Variants in ABCC5 observed in about 807,000 individuals in gnomAD.
ABCC5 encodes the protein ATP binding cassette subfamily C member 5.
In ABCC5, 61 loss-of-function variants were observed where a neutral mutation model predicts 160.9. The observed-to-expected ratio is 0.38, with a 90% CI of 0.31 to 0.47. ABCC5 has a LOEUF of 0.47. ABCC5 is among the 20% of genes least tolerant of loss of function. The pLI, the probability that ABCC5 is intolerant of heterozygous loss-of-function variation, is 0.99. For missense variants in ABCC5, 1,308 were observed against 1,813.3 expected, an observed-to-expected ratio of 0.72 and a Z score of 5.06; for synonymous variants, 666 against 700.6, an observed-to-expected ratio of 0.95 and a Z score of 0.78.
chr3:183,923,537 C>T (rs1387642199), intron 29 of ABCC5, among the ~76,000 whole-genome samples: 1 of 152,266 alleles, frequency 6.6e-6, no homozygotes, highest in South Asian at 2.1e-4. Flanking sequence ...GCAGGAGAAT[C>T]GCTTGAACCC....
intron 24 of ABCC5, 83 bp downstream of exon 24, chr3:183,945,767 C>T: frequency 9.2e-7 from 1 of 1,088,010 alleles, no homozygotes; most frequent in Non-Finnish European, 1.4e-6. Context: ...AAGCCTCCTC[C>T]TTGTACACCC....
chr3:183,987,360 A>T lies in ABCC5; in HGVS notation c.591+410T>A. On this transcript the variant is annotated intron_variant, in intron 5 of 29. Transcript: ENST00000334444. This position sits in a 1 kb window ranked among gnomAD's most constrained non-coding sequence, Gnocchi z 4.2. ...CTTATTTGCCACAGACCTGCCAAAC[A>T]TGTGATAACTGCCTCCAGGCACTTG... 1 of 404,024 alleles carries T rather than the reference A, an allele frequency of 2.5e-6. No homozygotes were observed. The highest frequency in any genetic ancestry group is 4.5e-6 in the Non-Finnish European group (1 of 224,184). 25.0% of individuals were successfully genotyped at this position (404,024 alleles called of 1,614,324 possible).
chr3:183,972,397 G>C (rs1313902181), intron 10 of ABCC5, among the ~76,000 whole-genome samples: 1 of 152,170 alleles, frequency 6.6e-6, no homozygotes, highest in African/African-American at 2.4e-5. Context: ...TAGGAGTAGA[G>C]ACTGTCACAG....
chr3:183,984,112 C>T (rs371570519), intron 5 of ABCC5: 57 of 985,304 alleles, frequency 5.8e-5, no homozygotes, highest in Middle Eastern at 5.2e-4. Context: ...CAAAACAAAA[C>T]GAAAAGCTCC....
chr3:183,921,847 T>C lies in ABCC5; in HGVS notation c.4213-446A>G, dbSNP rs1318410189. Among the ~76,000 whole-genome samples, 2 of 151,806 alleles carry C rather than the reference T, an allele frequency of 1.3e-5. No homozygotes were observed. The highest frequency in any genetic ancestry group is 4.8e-5 in the African/African-American group (2 of 41,292). ...GAGTTCAAGACCAGCCTGGCCAACA[T>C]GGTGAAACCCTGTCTCTACTAAATA... On this transcript the variant is annotated intron_variant, in intron 29 of 29. Transcript: ENST00000334444. The surrounding 1 kb of genome is among the most constrained non-coding windows in gnomAD (Gnocchi z 4.1).
intron 8 of ABCC5, among the ~76,000 whole-genome samples, chr3:183,979,988 G>T (rs112343088): frequency 6.6e-6 from 1 of 151,998 alleles, no homozygotes; most frequent in African/African-American, 2.4e-5. Context: ...TGATCCTCCT[G>T]CCTCGGCCTC....
rs1159479076 is a variant in ABCC5, at chr3:183,963,689, CTTCT to C, written c.2032-105_2032-102del. The C allele has an allele frequency of 2.7e-6, 3 of 1,094,398 alleles. No homozygotes were observed. The highest frequency in any genetic ancestry group is 3.0e-4 in the Middle Eastern group (1 of 3,316). 67.8% of individuals were successfully genotyped at this position (1,094,398 alleles called of 1,614,324 possible). A position where few individuals can be genotyped will look rare whatever the true frequency, so the allele number is the denominator to read the frequency against. On this transcript the variant is annotated intron_variant, in intron 14 of 29. Coordinates refer to ENST00000334444, the MANE Select transcript of ABCC5 (RefSeq NM_005688.4). The surrounding 1 kb of genome is among the most constrained non-coding windows in gnomAD (Gnocchi z 4.6). Reference sequence around the variant, plus strand: ...TCTTCTTGCCCACCCAGACCAGCTCCTTCTGTCAATTCCCCGCAGATGAACTGCC... The same window carrying C: ...TCTTCTTGCCCACCCAGACCAGCTCCGTCAATTCCCCGCAGATGAACTGCC...
At chr3:183,958,855 C>G (rs1323316129) in intron 17 of ABCC5, among the ~76,000 whole-genome samples, 1 of 152,088 alleles carries the variant, frequency 6.6e-6, no homozygotes, top group Non-Finnish European at 1.5e-5. Flanking sequence ...CCACCTCAGC[C>G]TCCCAAAGTA....
intron 29 of ABCC5, among the ~76,000 whole-genome samples, chr3:183,923,057 G>C (rs1444967769): frequency 6.6e-6 from 1 of 152,146 alleles, no homozygotes; most frequent in African/African-American, 2.4e-5. Context: ...GTGTGCAGAT[G>C]CAAGAAAAAC....
chr3:183,969,998 G>A (rs185435671), intron 11 of ABCC5, among the ~76,000 whole-genome samples: 7 of 152,232 alleles, frequency 4.6e-5, no homozygotes, highest in Admixed American at 1.3e-4. Flanking sequence ...TCTTTCTCCC[G>A]GTTACTGTGG....
At chr3:183,952,570 GATTCCC>G (rs1715475190) in intron 18 of ABCC5, among the ~76,000 whole-genome samples, 1 of 152,160 alleles carries the variant, frequency 6.6e-6, no homozygotes, top group Admixed American at 6.5e-5. Context: ...TTGTGGGGTG[GATTCCC>G]CCATGCTATT....
intron 2 of ABCC5, among the ~76,000 whole-genome samples, chr3:183,995,752 T>C (rs1370351979): frequency 6.6e-6 from 1 of 152,220 alleles, no homozygotes; most frequent in East Asian, 1.9e-4. Context: ...GTTTTAGCTA[T>C]TCTAGTTCTT....
At chr3:183,972,041 G>A (rs976596461) in intron 10 of ABCC5, 122 bp from the exon 11 acceptor site, 10 of 1,567,228 alleles carry the variant, frequency 6.4e-6, no homozygotes, top group Non-Finnish European at 7.7e-6. Flanking sequence ...GAAGCTGAAG[G>A]GCAAAAGGTA....
intron 11 of ABCC5, among the ~76,000 whole-genome samples, chr3:183,968,373 G>T (rs1717423007): frequency 6.6e-6 from 1 of 152,018 alleles, no homozygotes; most frequent in African/African-American, 2.4e-5. Flanking sequence ...GCCTCCCAAA[G>T]TGCTGGGATT....
At chr3:183,928,442 G>A (rs774066935) in intron 27 of ABCC5, among the ~76,000 whole-genome samples, 7 of 152,162 alleles carry the variant, frequency 4.6e-5, no homozygotes, top group African/African-American at 1.7e-4. Flanking sequence ...ATATGTGGAC[G>A]CTTCAAAGTA....
intron 2 of ABCC5, among the ~76,000 whole-genome samples, chr3:183,989,807 T>C (rs1425289227): frequency 6.6e-6 from 1 of 152,108 alleles, no homozygotes; most frequent in Non-Finnish European, 1.5e-5. Flanking sequence ...CGCTCTTTGT[T>C]TTTTTGGGTT....
chr3:183,937,197 T>G (rs1246372688), intron 26 of ABCC5, among the ~76,000 whole-genome samples: 1 of 151,958 alleles, frequency 6.6e-6, no homozygotes, highest in Non-Finnish European at 1.5e-5. Context: ...GCCAACATGG[T>G]GAAACCTCAT....
At chr3:183,923,727 T>C (rs1197921618) in intron 29 of ABCC5, among the ~76,000 whole-genome samples, 1 of 152,222 alleles carries the variant, frequency 6.6e-6, no homozygotes, top group Non-Finnish European at 1.5e-5. Flanking sequence ...GCTCAACGTA[T>C]CTTATGTATG....
rs566641555 is a variant in ABCC5, at chr3:183,965,194, G to A, written c.2022C>T (p.Asp674=). The part of the protein sequence containing the change: ...RPDLAILPSS[D]LTEIGERGAN... ...GGCGGAAGGCCTGTACCTCCGTCAG[G>A]TCGCTGCTGGGAAGAATGGCCAGGT... is the stretch of plus-strand genomic sequence containing the variant. The change falls in exon 14 of 30, where the codon GAC becomes GAT. Residue 674 remains aspartate (D), a synonymous_variant. Transcript: ENST00000334444. 1 of 1,614,150 alleles carries A rather than the reference G, an allele frequency of 6.2e-7. No homozygotes were observed. Among genetic ancestry groups the A allele is most frequent in the South Asian group, 1.1e-5 (1 of 91,084 alleles).
Sources: gnomAD v4.1 joint callset for allele counts (sites outside exome capture counted in the v4.1 genomes callset) on GRCh38, gnomAD v4.1.1 for gene constraint, Gnocchi (gnomAD v3.1) non-coding constraint, MANE v1.5 for transcripts, NCBI Gene and HGNC (gene_info 2026-07-23, HGNC 2026-07-21) for gene names.